Variants in MAOA observed in about 807,000 individuals in gnomAD.
MAOA encodes the protein amine oxidase [flavin-containing] A.
In MAOA, 6 loss-of-function variants were observed where a neutral mutation model predicts 42.0. That is an observed-to-expected ratio of 0.14 (90% CI 0.08 to 0.28). The LOEUF is 0.28. Ranked by LOEUF, MAOA falls within the 10% of genes least tolerant of loss-of-function variation. The probability of loss-of-function intolerance (pLI) is 1.00; values close to 1 mark genes in which losing one functional copy is unlikely to be tolerated. For synonymous variants in MAOA, 140 were observed against 154.0 expected (o/e 0.91, Z 0.67); for missense variants, 262 against 422.3 (o/e 0.62, Z 3.33).
At chrX:43,663,817 A>C (rs1249165013) in intron 1 of MAOA, among the ~76,000 whole-genome samples, 1 of 112,255 alleles carries the variant, frequency 8.9e-6, no homozygotes, top group African/African-American at 3.2e-5. Context: ...TTCATATGAC[A>C]AATCTATTTC....
intron 1 of MAOA, among the ~76,000 whole-genome samples, chrX:43,660,212 A>G (rs1231252378): frequency 1.8e-5 from 2 of 111,203 alleles, no homozygotes; most frequent in Non-Finnish European, 3.8e-5. Flanking sequence ...ACTTAAGATA[A>G]TGGTCTCCAG....
At chrX:43,700,725 T>G (rs1361443865) in intron 3 of MAOA, among the ~76,000 whole-genome samples, 2 of 112,185 alleles carry the variant, frequency 1.8e-5, no homozygotes, top group Admixed American at 1.9e-4. Flanking sequence ...ATATTATTTT[T>G]GTTAAATGAT....
At chrX:43,710,268 T>A (rs1352897831) in intron 3 of MAOA, among the ~76,000 whole-genome samples, 1 of 112,013 alleles carries the variant, frequency 8.9e-6, no homozygotes, top group Non-Finnish European at 1.9e-5. Flanking sequence ...GGATTTGGAG[T>A]CTCAAAAAGT....
chrX:43,711,146 G>A (rs2033696347), intron 3 of MAOA, among the ~76,000 whole-genome samples: 1 of 111,110 alleles, frequency 9.0e-6, no homozygotes, highest in Non-Finnish European at 1.9e-5. Flanking sequence ...CTGGGGGTAG[G>A]GGTGTAGAGA....
intron 5 of MAOA, among the ~76,000 whole-genome samples, chrX:43,715,975 G>T (rs2033740207): frequency 9.1e-6 from 1 of 109,706 alleles, no homozygotes; most frequent in South Asian, 4.0e-4. Context: ...TTGGTGGCGG[G>T]GGAAGATGGG....
At chrX:43,705,285 G>C (rs1294726955) in intron 3 of MAOA, among the ~76,000 whole-genome samples, 1 of 112,284 alleles carries the variant, frequency 8.9e-6, no homozygotes, top group Non-Finnish European at 1.9e-5. Flanking sequence ...TAGGTAAATG[G>C]AGTAGAACTG....
At chrX:43,676,670 G>C (rs1364172910) in intron 1 of MAOA, among the ~76,000 whole-genome samples, 2 of 111,520 alleles carry the variant, frequency 1.8e-5, no homozygotes, top group African/African-American at 6.5e-5. Flanking sequence ...AGTGTCCACT[G>C]CATGCCAGGT....
rs1470347407 is a variant in MAOA, at chrX:43,675,403, G to A, written c.74-8110G>A. On this transcript the variant is annotated intron_variant, in intron 1 of 14. Transcript: ENST00000338702. The stretch of plus-strand genomic sequence containing the variant: ...TGGTTTGAATTTCCTCCTGTAGCTC[G>A]GAGTAGTTTGATCGTCCGAAGCCTT... Among the ~76,000 whole-genome samples the A allele has an allele frequency of 6.3e-5, 7 of 111,008 alleles. No homozygotes were observed. The South Asian group carries it at 1.5e-3, about 24-fold the overall frequency.
chrX:43,675,915 AGTCTGCCCATTCTCAGATCTCCAGCT>A (rs2033391139), intron 1 of MAOA, among the ~76,000 whole-genome samples: 1 of 112,352 alleles, frequency 8.9e-6, no homozygotes, highest in Non-Finnish European at 1.9e-5. Flanking sequence ...TTTAGGAGGC[AGTCTGCCCATTCTCAGATCTCCAGCT>A]GTGTGCTGGG....
chrX:43,703,854 T>C (rs1218107042), intron 3 of MAOA, among the ~76,000 whole-genome samples: 1 of 111,366 alleles, frequency 9.0e-6, no homozygotes, highest in Non-Finnish European at 1.9e-5. Context: ...TGGAAACTAT[T>C]TTCATATAAC....
At chrX:43,678,712 A>T (rs2033420075) in intron 1 of MAOA, among the ~76,000 whole-genome samples, 1 of 112,153 alleles carries the variant, frequency 8.9e-6, no homozygotes, top group Non-Finnish European at 1.9e-5. Flanking sequence ...TCCAAGACTT[A>T]CATCTTAAAG....
At position 43,746,045 on chromosome X, in the gene MAOA, T is replaced by A. The variant is rs1364232667; in HGVS notation, c.*1532T>A. ...CTAATTTAGGAGTTTTGAGAATGTA[T>A]TGGATACGCTCCAGTACATAAGGAG... is the stretch of plus-strand genomic sequence containing the variant. On this transcript the variant is annotated 3_prime_UTR_variant, in exon 15 of 15. Transcript: ENST00000338702. The A allele has an allele frequency of 8.9e-6, 1 of 111,876 alleles. No homozygotes were observed. Among genetic ancestry groups the A allele is most frequent in the East Asian group, 2.8e-4 (1 of 3,545 alleles). The allele number at this position is 111,876 out of a possible 1,213,427, so 9.2% of individuals were successfully genotyped here.
At chrX:43,686,460 A>G (rs183397955) in intron 2 of MAOA, among the ~76,000 whole-genome samples, 32 of 112,540 alleles carry the variant, frequency 2.8e-4, no homozygotes, top group African/African-American at 8.4e-4. Flanking sequence ...AGGACTTAGC[A>G]TTTATACTCC....
At chrX:43,655,729 A>G (rs1210894269), upstream of MAOA, 2 of 113,522 alleles carry the variant, frequency 1.8e-5, no homozygotes, top group Non-Finnish European at 3.7e-5. Context: ...GTGTCCGACT[A>G]CACTTGGATA....
rs1438727027 is a variant in MAOA at position 43,662,151 on chromosome X, C to T, written c.73+5737C>T. On this transcript the variant is annotated intron_variant, in intron 1 of 14. Coordinates refer to ENST00000338702, the MANE Select transcript of MAOA (RefSeq NM_000240.4). ...TTTTGCAGTGATTAAGAAAAGCTTC[C>T]ATTTAAGAAATGCCACTTATTTTTG... is the stretch of plus-strand genomic sequence containing the variant. 2.7e-5 allele frequency among the ~76,000 whole-genome samples: 3 copies of T among 111,341 alleles called. No individual in the cohort carries two copies. The East Asian group carries it at 8.4e-4, about 31-fold the overall frequency.
chrX:43,700,567 C>T (rs1024459312), intron 3 of MAOA, among the ~76,000 whole-genome samples: 1 of 112,011 alleles, frequency 8.9e-6, no homozygotes, highest in Non-Finnish European at 1.9e-5. Flanking sequence ...CTGAGAGGTC[C>T]TCTGGCCTTC....
chrX:43,672,612 C>T (rs1178304858), intron 1 of MAOA, among the ~76,000 whole-genome samples: 6 of 111,721 alleles, frequency 5.4e-5, no homozygotes, highest in African/African-American at 2.0e-4. Flanking sequence ...TTTCGAGATA[C>T]GTCCCATCAA....
chrX:43,675,755 G>A (rs1405335734), intron 1 of MAOA, among the ~76,000 whole-genome samples: 3 of 111,859 alleles, frequency 2.7e-5, no homozygotes, highest in Non-Finnish European at 5.7e-5. Context: ...GCAGAACAGC[G>A]GATTTTCGTG....
chrX:43,722,956 T>G lies in MAOA; in HGVS notation c.504-5217T>G, dbSNP rs374048893. ...TATTAAATAGGGAATCCTTTCCCTG[T>G]TGCTTGTTTTTGTCAGTTTGTCAAA... On this transcript the variant is annotated intron_variant, in intron 5 of 14. Coordinates refer to ENST00000338702, the MANE Select transcript of MAOA (RefSeq NM_000240.4). Among the ~76,000 whole-genome samples the G allele has an allele frequency of 1.1e-4, 12 of 112,111 alleles. No individual in the cohort carries two copies. In the East Asian group the frequency reaches 3.1e-3, roughly 29 times the overall value.
Sources: allele counts gnomAD v4.1 joint callset (sites outside exome capture counted in the v4.1 genomes callset), GRCh38; gene constraint gnomAD v4.1.1; transcripts MANE v1.5; gene names NCBI Gene and HGNC (gene_info 2026-07-23, HGNC 2026-07-21).